ATRX: variants seen among roughly 807,000 people sequenced by gnomAD.
The protein encoded by ATRX is chromatin remodeler ATRX.
In ATRX, 12 loss-of-function variants were observed where a neutral mutation model predicts 172.6. The ratio of observed to expected loss-of-function variants is 0.07; its 90% CI spans 0.04 to 0.11. ATRX has a LOEUF of 0.11. Ranked by LOEUF, ATRX falls within the 10% of genes least tolerant of loss-of-function variation. The pLI is 1.00. For synonymous variants in ATRX, 674 were observed against 594.7 expected (o/e 1.13, Z -1.94); for missense variants, 1,368 against 1,767.4 (o/e 0.77, Z 4.05).
In ATRX at chrX:77,723,237, G is replaced by A. The variant is rs186877236; in HGVS notation, c.21-5994C>T. Among the ~76,000 whole-genome samples, 15 of 111,278 alleles carry A rather than the reference G, an allele frequency of 1.3e-4. No individual in the cohort carries two copies. In the South Asian group the frequency reaches 3.4e-3, roughly 26 times the overall value. On this transcript the variant is annotated intron_variant, in intron 1 of 34. Coordinates refer to ENST00000373344, the MANE Select transcript of ATRX (RefSeq NM_000489.6). ...AGGAGAAATACGTAATGTAGATGACGGGTTGATGGGTGCAGCAAACCACCA... is the reference window on the plus strand; with the variant it reads ...AGGAGAAATACGTAATGTAGATGACAGGTTGATGGGTGCAGCAAACCACCA...
At chrX:77,667,720 TG>T (rs1557127163) in intron 10 of ATRX, among the ~76,000 whole-genome samples, 1 of 111,766 alleles carries the variant, frequency 8.9e-6, no homozygotes, top group African/African-American at 3.2e-5. Context: ...ATGATGTACA[TG>T]AGATAAAATA....
At chrX:77,581,594 T>G (rs1255652440) in intron 27 of ATRX, among the ~76,000 whole-genome samples, 1 of 111,683 alleles carries the variant, frequency 9.0e-6, no homozygotes, top group Admixed American at 9.5e-5. Flanking sequence ...AAGAGAGAGA[T>G]AGACCCCAAT....
Position 77,508,290 on chromosome X carries a change from T to G in ATRX, c.*61A>C, listed in dbSNP as rs1186427501. On this transcript the variant is annotated 3_prime_UTR_variant, in exon 35 of 35. Transcript: ENST00000373344. Reference sequence around the variant, plus strand: ...AGTTGAGTTCTGTTAAGTCATTGATTCCTAAAAAAATAAAAGATCTTTCTA... The same window carrying G: ...AGTTGAGTTCTGTTAAGTCATTGATGCCTAAAAAAATAAAAGATCTTTCTA... The G allele has an allele frequency of 8.6e-7, 1 of 1,168,721 alleles. No homozygotes were observed. The highest frequency in any genetic ancestry group is 1.2e-6 in the Non-Finnish European group (1 of 859,421).
chrX:77,662,585 C>T (rs1235819223), intron 12 of ATRX, among the ~76,000 whole-genome samples: 1 of 112,212 alleles, frequency 8.9e-6, no homozygotes, highest in Non-Finnish European at 1.9e-5. Flanking sequence ...TATCTTCCCA[C>T]TCTAAATTAT....
intron 25 of ATRX, among the ~76,000 whole-genome samples, chrX:77,597,940 T>C (rs2036798155): frequency 8.9e-6 from 1 of 111,906 alleles, no homozygotes; most frequent in African/African-American, 3.2e-5. Context: ...ATTACAAGTA[T>C]AAAACAAAAG....
At chrX:77,575,940 A>G (rs1183832643) in intron 27 of ATRX, among the ~76,000 whole-genome samples, 1 of 111,660 alleles carries the variant, frequency 9.0e-6, no homozygotes, top group African/African-American at 3.2e-5. Context: ...CACATAATAT[A>G]TGTGTCTGTT....
chrX:77,695,899 GA>G (rs1391298101), intron 5 of ATRX, among the ~76,000 whole-genome samples: 2 of 110,821 alleles, frequency 1.8e-5, no homozygotes, highest in Non-Finnish European at 3.8e-5. Context: ...ATTTAACAAA[GA>G]AAAAAAATCT....
chrX:77,712,941 G>C (rs1181860191), intron 2 of ATRX, among the ~76,000 whole-genome samples: 2 of 111,462 alleles, frequency 1.8e-5, no homozygotes, highest in Non-Finnish European at 3.8e-5. Context: ...ATGAAGTCAA[G>C]AGATCAAGAC....
intron 10 of ATRX, among the ~76,000 whole-genome samples, chrX:77,671,067 G>A (rs1303256239): frequency 1.9e-4 from 18 of 92,757 alleles, no homozygotes; most frequent in Admixed American, 3.8e-4. Flanking sequence ...AGAATTGCTT[G>A]AAACAGGGAA....
At chrX:77,720,347 G>C (rs1463312317) in intron 1 of ATRX, among the ~76,000 whole-genome samples, 1 of 111,813 alleles carries the variant, frequency 8.9e-6, no homozygotes, top group Non-Finnish European at 1.9e-5. Flanking sequence ...AACTCAAAGA[G>C]ATAGAGACAG....
At position 77,538,230 on chromosome X, in the gene ATRX, A is replaced by AACACACACACAC. The variant is rs34675782; in HGVS notation, c.6700-14841_6700-14830dup. On this transcript the variant is annotated intron_variant, in intron 30 of 34. Transcript: ENST00000373344. ...AAGGAAATGTGTGTATACACACACA[A>AACACACACACAC]ACACACACACACACACACACACACA... Among the ~76,000 whole-genome samples the AACACACACACAC allele has an allele frequency of 3.1e-3, 299 of 95,992 alleles. 1 individual carries two copies. The highest frequency in any genetic ancestry group is 0.01 in the African/African-American group (270 of 26,151). The allele number at this position is 95,992 out of a possible 115,157, so 83.4% of individuals were successfully genotyped here.
chrX:77,546,792 G>C (rs782616911), intron 30 of ATRX, among the ~76,000 whole-genome samples: 1 of 111,988 alleles, frequency 8.9e-6, no homozygotes, highest in African/African-American at 3.2e-5. Flanking sequence ...CTAGGAATCT[G>C]CATTTTTAAT....
At chrX:77,560,841 A>C (rs2064993802) in intron 28 of ATRX, among the ~76,000 whole-genome samples, 2 of 111,766 alleles carry the variant, frequency 1.8e-5, no homozygotes, top group Admixed American at 9.5e-5. Flanking sequence ...ACAAAAGTTG[A>C]CCAATTTTGA....
Position 77,717,222 on chromosome X carries a change from C to T in ATRX, c.42G>A (p.Leu14=). ...CAAGGAAGTCATGAAGCTTCTGCAC[C>T]AATGTATTCAACTTGCTTTCACTAT... ...EPMSESKLNT[L]VQKLHDFLAH... is the part of the protein sequence containing the mutation. The change falls in exon 2 of 35, where the codon TTG becomes TTA. Residue 14 remains leucine, a synonymous_variant. Coordinates refer to ENST00000373344, the MANE Select transcript of ATRX (RefSeq NM_000489.6). 8.3e-7 allele frequency: 1 copy of T among 1,208,210 alleles called. No individual in the cohort carries two copies. The highest frequency in any genetic ancestry group is 1.1e-6 in the Non-Finnish European group (1 of 892,651).
chrX:77,733,507 G>A (rs1229478776), intron 1 of ATRX, among the ~76,000 whole-genome samples: 4 of 109,792 alleles, frequency 3.6e-5, no homozygotes, highest in Non-Finnish European at 5.7e-5. Context: ...ACACATCTAC[G>A]GTGAACTCAT....
chrX:77,724,929 T>C (rs2073961289), intron 1 of ATRX, among the ~76,000 whole-genome samples: 1 of 112,224 alleles, frequency 8.9e-6, no homozygotes, highest in African/African-American at 3.2e-5. Flanking sequence ...ACCAAGTATC[T>C]GAAAGGCAGC....
In ATRX at chrX:77,676,246, GTCA is replaced by G. The variant is rs782391448; in HGVS notation, c.3786_3788del (p.Asp1264del). The G allele has an allele frequency of 8.3e-7, 1 of 1,205,660 alleles. No individual in the cohort carries two copies. Among genetic ancestry groups the G allele is most frequent in the Non-Finnish European group, 1.1e-6 (1 of 891,460 alleles). On this transcript the variant is annotated inframe_deletion, in exon 10 of 35. Coordinates refer to ENST00000373344, the MANE Select transcript of ATRX (RefSeq NM_000489.6). ...CATACCTATTCTCAGGATCATTGTC[GTCA>G]TCATCATCATCCACTGTGACAGGCA...
chrX:77,635,396 C>T (rs1314791154), intron 16 of ATRX, among the ~76,000 whole-genome samples: 4 of 111,547 alleles, frequency 3.6e-5, no homozygotes, highest in African/African-American at 1.3e-4. Context: ...AAAAAAAAAC[C>T]CATGAGATAA....
chrX:77,762,284 G>A (rs782599681), intron 1 of ATRX, among the ~76,000 whole-genome samples: 118 of 83,092 alleles, frequency 1.4e-3, no homozygotes, highest in African/African-American at 5.0e-3. Flanking sequence ...CAGCCTGGGC[G>A]ACAGAGCAAG....
Sources: allele counts gnomAD v4.1 joint callset (sites outside exome capture counted in the v4.1 genomes callset), GRCh38; gene constraint gnomAD v4.1.1; transcripts MANE v1.5; gene names NCBI Gene and HGNC (gene_info 2026-07-23, HGNC 2026-07-21).